PTPRM: variants seen among roughly 807,000 people sequenced by gnomAD.
PTPRM encodes receptor-type tyrosine-protein phosphatase mu.
In PTPRM, 47 loss-of-function variants were observed where a neutral mutation model predicts 186.7. The observed-to-expected ratio is 0.25, with a 90% confidence interval of 0.20 to 0.32. The LOEUF (loss-of-function observed/expected upper bound fraction) is 0.32. Ranked by LOEUF, PTPRM falls within the 10% of genes least tolerant of loss-of-function variation. The pLI is 1.00. For synonymous variants in PTPRM, 668 were observed against 674.9 expected, an observed-to-expected ratio of 0.99 and a Z score of 0.16; for missense variants, 1,494 against 1,865.0, an observed-to-expected ratio of 0.80 and a Z score of 3.66.
In PTPRM at chr18:8,215,648, T is replaced by A. The variant is rs561736314; in HGVS notation, c.2301-28410T>A. Among the ~76,000 whole-genome samples the A allele has an allele frequency of 6.4e-4, 97 of 150,446 alleles. 1 individual carries two copies. The highest frequency in any genetic ancestry group is 2.2e-3 in the African/African-American group (92 of 41,086). On this transcript the variant is annotated intron_variant, in intron 14 of 32. Coordinates refer to ENST00000580170, the MANE Select transcript of PTPRM (RefSeq NM_001105244.2). ...GCCCATACCCGCCGGGCTCAAGTGATCCTCTCATCTCAGTCTCCTGAGTAG... is the reference window on the plus strand; with the variant it reads ...GCCCATACCCGCCGGGCTCAAGTGAACCTCTCATCTCAGTCTCCTGAGTAG...
intron 17 of PTPRM, among the ~76,000 whole-genome samples, chr18:8,248,572 C>T (rs2094498744): frequency 1.3e-5 from 2 of 152,174 alleles, no homozygotes; most frequent in African/African-American, 2.4e-5. Flanking sequence ...AATAGCTTCT[C>T]ATTATTTTCA....
intron 1 of PTPRM, among the ~76,000 whole-genome samples, chr18:7,665,367 T>A (rs1446856201): frequency 6.6e-6 from 1 of 152,078 alleles, no homozygotes. Context: ...CAGTCTATGG[T>A]TTTTAGTTTA....
chr18:8,014,172 C>CA (rs1266568958), intron 7 of PTPRM, among the ~76,000 whole-genome samples: 1 of 151,756 alleles, frequency 6.6e-6, no homozygotes, highest in African/African-American at 2.4e-5. Context: ...CTTTAGAATA[C>CA]AAAAAATTAA....
chr18:7,996,228 CA>C (rs1267001254), intron 7 of PTPRM, among the ~76,000 whole-genome samples: 1 of 151,140 alleles, frequency 6.6e-6, no homozygotes, highest in East Asian at 1.9e-4. Context: ...AGATTTATCC[CA>C]GGGGAAAATG....
chr18:7,840,263 G>A (rs1038803967), intron 2 of PTPRM, among the ~76,000 whole-genome samples: 9 of 151,908 alleles, frequency 5.9e-5, no homozygotes, highest in Admixed American at 2.6e-4. Flanking sequence ...GTTAATTGGT[G>A]TCCTTGCAGG....
intron 7 of PTPRM, among the ~76,000 whole-genome samples, chr18:8,020,080 T>C (rs1225732694): frequency 6.6e-6 from 1 of 152,166 alleles, no homozygotes; most frequent in Non-Finnish European, 1.5e-5. Context: ...TATATATGAA[T>C]CAGTCATTTA....
intron 14 of PTPRM, among the ~76,000 whole-genome samples, chr18:8,224,764 C>A (rs2094193587): frequency 6.6e-6 from 1 of 152,180 alleles, no homozygotes; most frequent in Non-Finnish European, 1.5e-5. Flanking sequence ...CTGTAGAATT[C>A]CCCCACATTC....
chr18:7,827,629 G>A (rs1207997317), intron 2 of PTPRM, among the ~76,000 whole-genome samples: 3 of 152,218 alleles, frequency 2.0e-5, no homozygotes, highest in Non-Finnish European at 4.4e-5. Context: ...AGCACCAAGA[G>A]TCACCTAGAT....
At chr18:8,252,908 C>A (rs891253857) in intron 18 of PTPRM, among the ~76,000 whole-genome samples, 1 of 152,104 alleles carries the variant, frequency 6.6e-6, no homozygotes, top group Non-Finnish European at 1.5e-5. Flanking sequence ...GGTTTTGCAC[C>A]AGGTCTTGAT....
intron 2 of PTPRM, among the ~76,000 whole-genome samples, chr18:7,808,967 A>G (rs1401017278): frequency 6.6e-6 from 1 of 152,224 alleles, no homozygotes; most frequent in Non-Finnish European, 1.5e-5. Context: ...TAACAACAAC[A>G]GTAATAACAG....
rs377000164 is a variant in PTPRM at position 7,621,592 on chromosome 18, GC to G, written c.73+53704del. On this transcript the variant is annotated intron_variant, in intron 1 of 32. Coordinates refer to ENST00000580170, the MANE Select transcript of PTPRM (RefSeq NM_001105244.2). ...TAGTATCCTACAGGGTATTTTTACT[GC>G]CCTAAAAATCCTCTGTGCTCCATCT... 7.9e-5 allele frequency among the ~76,000 whole-genome samples: 12 copies of G among 152,248 alleles called. No individual in the cohort carries two copies. The East Asian group carries it at 2.3e-3, about 29-fold the overall frequency.
intron 1 of PTPRM, among the ~76,000 whole-genome samples, chr18:7,569,648 A>C (rs2036522000): frequency 6.6e-6 from 1 of 152,190 alleles, no homozygotes; most frequent in Non-Finnish European, 1.5e-5. Flanking sequence ...AATTGTGTGC[A>C]AGGGAGTGGA....
chr18:7,870,454 C>T lies in PTPRM; in HGVS notation c.197-17652C>T, dbSNP rs1001630179. ...GATACCAGATAACATAATTTTTGTG[C>T]ATATGGTTGAGTACAGGCTGTGAGT... On this transcript the variant is annotated intron_variant, in intron 2 of 32. Coordinates refer to ENST00000580170, the MANE Select transcript of PTPRM (RefSeq NM_001105244.2). Among the ~76,000 whole-genome samples the T allele has an allele frequency of 3.3e-5, 5 of 152,034 alleles. No individual in the cohort carries two copies. In the South Asian group the frequency reaches 1.0e-3, roughly 32 times the overall value.
chr18:8,220,712 G>A (rs2094144003), intron 14 of PTPRM, among the ~76,000 whole-genome samples: 1 of 152,182 alleles, frequency 6.6e-6, no homozygotes. Flanking sequence ...TGACACCTGT[G>A]TCTGTAATTG....
intron 1 of PTPRM, among the ~76,000 whole-genome samples, chr18:7,667,708 A>G (rs1456455155): frequency 6.6e-6 from 1 of 152,210 alleles, no homozygotes; most frequent in Non-Finnish European, 1.5e-5. Flanking sequence ...TTAGTAAACT[A>G]TCCATAGGCT....
chr18:7,892,885 C>T (rs2049152676), intron 3 of PTPRM, among the ~76,000 whole-genome samples: 1 of 152,180 alleles, frequency 6.6e-6, no homozygotes, highest in South Asian at 2.1e-4. Context: ...TTATGAAGGT[C>T]TACTCCCATC....
At position 8,387,058 on chromosome 18, in the gene PTPRM, CT is replaced by C; in HGVS notation, c.4045-12del. ...TTTCTTTCCACTCCCCGATTGTTGC[CT>C]TGTTCTTCGTAGCCCCAAGATGGAT... On this transcript the variant is annotated splice_polypyrimidine_tract_variant and intron_variant, in intron 30 of 32. Coordinates refer to ENST00000580170, the MANE Select transcript of PTPRM (RefSeq NM_001105244.2). The C allele has an allele frequency of 3.8e-6, 6 of 1,585,348 alleles. No homozygotes were observed. The highest frequency in any genetic ancestry group is 5.2e-6 in the Non-Finnish European group (6 of 1,154,706).
intron 1 of PTPRM, among the ~76,000 whole-genome samples, chr18:7,675,652 T>C (rs1442395537): frequency 6.6e-6 from 1 of 152,162 alleles, no homozygotes; most frequent in African/African-American, 2.4e-5. Flanking sequence ...TCTCACCCCT[T>C]TGCACACAGT....
At chr18:7,676,397 C>T (rs2039336658) in intron 1 of PTPRM, among the ~76,000 whole-genome samples, 1 of 152,136 alleles carries the variant, frequency 6.6e-6, no homozygotes, top group South Asian at 2.1e-4. Context: ...GAGCTTTAGC[C>T]TCCTGTCCGT....
Sources: allele counts gnomAD v4.1 joint callset (sites outside exome capture counted in the v4.1 genomes callset), GRCh38; gene constraint gnomAD v4.1.1; transcripts MANE v1.5; gene names NCBI Gene and HGNC (gene_info 2026-07-23, HGNC 2026-07-21).